GJB6: variants seen among roughly 807,000 people sequenced by gnomAD.
GJB6 encodes the protein gap junction beta-6 protein.
In GJB6, 5 loss-of-function variants were observed where a neutral mutation model predicts 5.4. The ratio of observed to expected loss-of-function variants is 0.92; its 90% confidence interval spans 0.48 to 1.93. GJB6 has a LOEUF of 1.93. GJB6 is among the 30% of genes most tolerant of loss of function. The probability of loss-of-function intolerance (pLI) is 0.01; values close to 1 mark genes in which losing one functional copy is unlikely to be tolerated. For synonymous variants in GJB6, 136 were observed against 129.6 expected, an observed-to-expected ratio of 1.05 and a Z score of -0.34; for missense variants, 298 against 326.9, an observed-to-expected ratio of 0.91 and a Z score of 0.68.
Position 20,231,769 on chromosome 13 carries a change from C to T in GJB6, c.-419-264G>A, listed in dbSNP as rs567239691. Among the ~76,000 whole-genome samples the T allele has an allele frequency of 1.1e-3, 170 of 152,380 alleles. 1 individual carries two copies. The highest frequency in any genetic ancestry group is 3.6e-3 in the African/African-American group (150 of 41,592). ...CAGCAAATGAAACGGGGGAAAGGGG[C>T]ACCGGCCCTCACTCTGGCCTCTTAG... On this transcript the variant is annotated intron_variant, in intron 1 of 4. Coordinates refer to ENST00000647029, the MANE Select transcript of GJB6 (RefSeq NM_001110219.3).
At chr13:20,227,749 G>A (rs938635210) in intron 4 of GJB6, among the ~76,000 whole-genome samples, 2 of 152,218 alleles carry the variant, frequency 1.3e-5, no homozygotes, top group African/African-American at 4.8e-5. Context: ...CAGGGTGATG[G>A]GTCAGCTGCG....
intron 4 of GJB6, among the ~76,000 whole-genome samples, chr13:20,228,722 G>C (rs1202436063): frequency 6.6e-6 from 1 of 151,248 alleles, no homozygotes; most frequent in Admixed American, 6.6e-5. Flanking sequence ...CTGACCTCAT[G>C]ATCCGCCCCC....
rs1245678537 is a variant in GJB6 at position 20,228,523 on chromosome 13, G to A, written c.-16+1057C>T. 2.2e-4 allele frequency among the ~76,000 whole-genome samples: 32 copies of A among 148,096 alleles called. 1 individual carries two copies. Among genetic ancestry groups the A allele is most frequent in the Admixed American group, 1.1e-3 (16 of 14,654 alleles). ...TTTTGAGATGGAGTCTAGCTCTGTT[G>A]CCCAAGCTGGAGTACCGTGGCACGA... On this transcript the variant is annotated intron_variant, in intron 4 of 4. Transcript: ENST00000647029.
rs1180726904 is a variant in GJB6, at chr13:20,228,467, G to GT, written c.-16+1112dup. ...CGATGCTGTTTTTTCTTGTTTGTTT[G>GT]TTTTTGTTTTTTGTTTTTGTTTTTT... On this transcript the variant is annotated intron_variant, in intron 4 of 4. Transcript: ENST00000647029. 1.1e-3 allele frequency among the ~76,000 whole-genome samples: 150 copies of GT among 141,966 alleles called. 1 individual carries two copies. The highest frequency in any genetic ancestry group is 3.3e-3 in the African/African-American group (128 of 39,236). 93.1% of individuals were successfully genotyped at this position (141,966 alleles called of 152,430 possible).
chr13:20,222,608 G>A lies in GJB6; in HGVS notation c.*87C>T. 1 of 1,080,966 alleles carries A rather than the reference G, an allele frequency of 9.3e-7. No individual in the cohort carries two copies. Among genetic ancestry groups the A allele is most frequent in the South Asian group, 1.3e-5 (1 of 79,260 alleles). The allele number at this position is 1,080,966 out of a possible 1,614,324, so 67.0% of individuals were successfully genotyped here. On this transcript the variant is annotated 3_prime_UTR_variant, in exon 5 of 5. Transcript: ENST00000647029. ...TGAAAGTCATTTACAAACTCTTCAG[G>A]CTACAGAAGGAACTTTCAGGTTGGT...
chr13:20,222,917 C>G lies in GJB6; in HGVS notation c.564G>C (p.Lys188Asn). 3.7e-6 allele frequency: 6 copies of G among 1,614,106 alleles called. No individual in the cohort carries two copies. The highest frequency in any genetic ancestry group is 5.1e-6 in the Non-Finnish European group (6 of 1,179,978). Residue 188 changes from lysine (K) to asparagine (N), a missense_variant, in exon 5 of 5, where the codon AAG (lysine) becomes AAC (asparagine). By Grantham distance (94) the Lys-to-Asn change is moderately conservative. Transcript: ENST00000647029. ...AAATCATAAAAATGGTAAACACGGT[C>G]TTCTCTGTTGGCCTAGAAATAAAGC... ...VDCFISRPTE[K>N]TVFTIFMISA...
chr13:20,228,481 TTTTTG>T (rs1869754689), intron 4 of GJB6, among the ~76,000 whole-genome samples: 10 of 121,716 alleles, frequency 8.2e-5, no homozygotes, highest in African/African-American at 3.7e-4. Context: ...TTGTTTTTTG[TTTTTG>T]TTTTTTGTTT....
Position 20,228,493 on chromosome 13 carries a change from G to GTT in GJB6, c.-16+1085_-16+1086dup, listed in dbSNP as rs200585465. The stretch of plus-strand genomic sequence containing the variant: ...TTTTTGTTTTTTGTTTTTGTTTTTT[G>GTT]TTTTTTTTGAGATGGAGTCTAGCTC... On this transcript the variant is annotated intron_variant, in intron 4 of 4. Coordinates refer to ENST00000647029, the MANE Select transcript of GJB6 (RefSeq NM_001110219.3). Among the ~76,000 whole-genome samples, 17 of 142,984 alleles carry GTT rather than the reference G, an allele frequency of 1.2e-4. No individual in the cohort carries two copies. In the South Asian group the frequency reaches 1.5e-3, roughly 13 times the overall value. The allele number at this position is 142,984 out of a possible 152,430, so 93.8% of individuals were successfully genotyped here.
At chr13:20,229,123 C>CAAAAAAAAAAA (rs5802041) in intron 4 of GJB6, among the ~76,000 whole-genome samples, 1 of 43,872 alleles carries the variant, frequency 2.3e-5, no homozygotes, top group African/African-American at 9.9e-5. Flanking sequence ...TGTCATTTAG[C>CAAAAAAAAAAA]AAAAAAAAAA....
intron 2 of GJB6, 26 bp from the exon 3 acceptor site, chr13:20,230,833 G>T (rs1870030215): frequency 6.6e-6 from 1 of 152,094 alleles, no homozygotes; most frequent in Non-Finnish European, 1.5e-5. Flanking sequence ...CAGAAGAGAA[G>T]ACATAAGAAA....
rs1223817885 is a variant in GJB6, at chr13:20,223,256, C to A, written c.225G>T (p.Arg75=). The change falls in exon 5 of 5, where the codon CGG becomes CGT. Residue 75 remains arginine, a synonymous_variant. Coordinates refer to ENST00000647029, the MANE Select transcript of GJB6 (RefSeq NM_001110219.3). ...CGAAGATCAGCTGGAGGGCCCACAG[C>A]CGGATGTGGGACACCGGGAAAAAGT... ...YDHFFPVSHI[R]LWALQLIFVS... The A allele has an allele frequency of 6.2e-7, 1 of 1,611,500 alleles. No homozygotes were observed.
Position 20,222,476 on chromosome 13 carries a change from T to C in GJB6, c.*219A>G, listed in dbSNP as rs1052924369. ...CCTGTCAAAGTGACTGCAATGCTCCTTTGTCAAGCAGTCTCTTGTTTTCAG... is the reference window on the plus strand; with the variant it reads ...CCTGTCAAAGTGACTGCAATGCTCCCTTGTCAAGCAGTCTCTTGTTTTCAG... On this transcript the variant is annotated 3_prime_UTR_variant, in exon 5 of 5. Coordinates refer to ENST00000647029, the MANE Select transcript of GJB6 (RefSeq NM_001110219.3). 1 of 573,776 alleles carries C rather than the reference T, an allele frequency of 1.7e-6. No homozygotes were observed. The highest frequency in any genetic ancestry group is 3.1e-6 in the Non-Finnish European group (1 of 323,474). 35.5% of individuals were successfully genotyped at this position (573,776 alleles called of 1,614,324 possible). A position where few individuals can be genotyped will look rare whatever the true frequency, so the allele number is the denominator to read the frequency against.
At chr13:20,231,028 T>C (rs1870047984) in intron 2 of GJB6, 1 of 152,366 alleles carries the variant, frequency 6.6e-6, no homozygotes, top group Non-Finnish European at 1.5e-5. Flanking sequence ...CTCTCCTCCT[T>C]GGCAAGCTTC....
rs150075979 is a variant in GJB6, at chr13:20,223,466, C to A, written c.15G>T (p.Thr5=). 8 of 1,613,978 alleles carry A rather than the reference C, an allele frequency of 5.0e-6. No individual in the cohort carries two copies. The highest frequency in any genetic ancestry group is 6.8e-6 in the Non-Finnish European group (8 of 1,179,904). Residue 5 remains threonine (T), a synonymous_variant, in exon 5 of 5, where the codon ACG becomes ACT. Coordinates refer to ENST00000647029, the MANE Select transcript of GJB6 (RefSeq NM_001110219.3). The part of the protein sequence containing the change: MDWG[T]LHTFIGGVNK... Reference sequence around the variant, plus strand: ...TGACACCCCCGATGAAAGTGTGCAGCGTCCCCCAATCCATTGCGCTGGTTT... The same window carrying A: ...TGACACCCCCGATGAAAGTGTGCAGAGTCCCCCAATCCATTGCGCTGGTTT...
intron 4 of GJB6, among the ~76,000 whole-genome samples, chr13:20,228,487 T>G (rs538657457): frequency 1.4e-4 from 12 of 83,014 alleles, no homozygotes; most frequent in East Asian, 4.3e-4. Context: ...TTTGTTTTTG[T>G]TTTTTGTTTT....
chr13:20,227,314 C>T (rs986899666), intron 4 of GJB6, among the ~76,000 whole-genome samples: 26 of 152,114 alleles, frequency 1.7e-4, no homozygotes, highest in Non-Finnish European at 2.8e-4. Flanking sequence ...ATTGGCAATC[C>T]ACCTATGCCT....
At position 20,223,049 on chromosome 13, in the gene GJB6, G is replaced by C; in HGVS notation, c.432C>G (p.Ile144Met). 1 of 1,613,314 alleles carries C rather than the reference G, an allele frequency of 6.2e-7. No individual in the cohort carries two copies. Among genetic ancestry groups the C allele is most frequent in the Non-Finnish European group, 8.5e-7 (1 of 1,179,220 alleles). ...WTYTSSIFFR[I>M]IFEAAFMYVF... ...CATACATAAAGGCTGCTTCAAAGAT[G>C]ATTCGGAAAAAGATGCTGCTGGTGT... Residue 144 changes from isoleucine (I) to methionine (M), a missense_variant, in exon 5 of 5, where the codon ATC (isoleucine) becomes ATG (methionine). Coordinates refer to ENST00000647029, the MANE Select transcript of GJB6 (RefSeq NM_001110219.3).
chr13:20,229,315 ATTTTTTTTTTTT>A (rs60451416), intron 4 of GJB6, among the ~76,000 whole-genome samples: 22 of 55,298 alleles, frequency 4.0e-4, no homozygotes, highest in East Asian at 1.5e-3. Context: ...TACCTGGTTA[ATTTTTTTTTTTT>A]TTTTTTTTTT....
At chr13:20,231,890 T>C (rs1454792721) in intron 1 of GJB6, among the ~76,000 whole-genome samples, 1 of 152,240 alleles carries the variant, frequency 6.6e-6, no homozygotes, top group African/African-American at 2.4e-5. Flanking sequence ...TTCCTCTGCG[T>C]ACAGAGAGAG....
Sources: allele counts gnomAD v4.1 joint callset (sites outside exome capture counted in the v4.1 genomes callset), GRCh38; gene constraint gnomAD v4.1.1; transcripts MANE v1.5; gene names NCBI Gene and HGNC (gene_info 2026-07-23, HGNC 2026-07-21).